The following ANAPC10 variants were observed in gnomAD, a reference collection of about 807,000 sequenced individuals.
The protein encoded by ANAPC10 is anaphase-promoting complex subunit 10.
Under a neutral mutation model 22.0 loss-of-function variants are expected in ANAPC10, and 12 were observed. The ratio of observed to expected loss-of-function variants is 0.55; its 90% CI spans 0.35 to 0.88. The LOEUF (loss-of-function observed/expected upper bound fraction) is 0.88, where lower values mean the gene tolerates loss of function less well. Among genes scored for constraint, ANAPC10 ranks in the 40% least tolerant of loss-of-function variants. The pLI is 0.01. For synonymous variants in ANAPC10, 65 were observed against 69.5 expected (o/e 0.94, Z 0.32); for missense variants, 188 against 220.9 (o/e 0.85, Z 0.94).
At chr4:145,009,741 C>T (rs1733993674) in intron 4 of ANAPC10, among the ~76,000 whole-genome samples, 1 of 152,130 alleles carries the variant, frequency 6.6e-6, no homozygotes, top group Admixed American at 6.5e-5. Flanking sequence ...CTAGGTAATA[C>T]CATTCAGGAC....
In ANAPC10 at chr4:145,078,992, A is replaced by G. The variant is rs1010284258; in HGVS notation, c.206+2668T>C. On this transcript the variant is annotated intron_variant, in intron 3 of 4. Transcript: ENST00000507656. Reference sequence around the variant, plus strand: ...GGACCTAATAAAGACTTCATGACAAAAACTCCAAAAGCAATTAAAACAAAA... The same window carrying G: ...GGACCTAATAAAGACTTCATGACAAGAACTCCAAAAGCAATTAAAACAAAA... Among the ~76,000 whole-genome samples the G allele has an allele frequency of 2.0e-5, 3 of 152,226 alleles. No homozygotes were observed. In the East Asian group the frequency reaches 5.8e-4, roughly 29 times the overall value.
chr4:145,023,351 G>A (rs891113951), intron 4 of ANAPC10, among the ~76,000 whole-genome samples: 3 of 152,176 alleles, frequency 2.0e-5, no homozygotes, highest in Non-Finnish European at 4.4e-5. Context: ...TAAAATGGTT[G>A]ACACGGTCCT....
intron 2 of ANAPC10, among the ~76,000 whole-genome samples, chr4:145,094,086 T>C (rs1404645718): frequency 3.9e-5 from 6 of 152,158 alleles, no homozygotes; most frequent in African/African-American, 1.4e-4. Context: ...CTGGGGACCA[T>C]TTTGAAAGCT....
chr4:145,068,768 G>A (rs979504418), intron 3 of ANAPC10, among the ~76,000 whole-genome samples: 1 of 152,140 alleles, frequency 6.6e-6, no homozygotes, highest in Non-Finnish European at 1.5e-5. Flanking sequence ...AATGTAGCTG[G>A]GTATGGTGGC....
At chr4:145,090,949 T>C (rs1046406711) in intron 2 of ANAPC10, among the ~76,000 whole-genome samples, 5 of 152,198 alleles carry the variant, frequency 3.3e-5, no homozygotes, top group African/African-American at 1.2e-4. Flanking sequence ...CTGAAAAATA[T>C]CTGACCCTAG....
intron 4 of ANAPC10, among the ~76,000 whole-genome samples, chr4:145,023,627 G>A (rs1287478200): frequency 1.3e-5 from 2 of 152,104 alleles, no homozygotes; most frequent in Non-Finnish European, 2.9e-5. Context: ...CTATACTAGA[G>A]TCTATTAAGT....
At chr4:145,019,006 C>G (rs932313140) in intron 4 of ANAPC10, among the ~76,000 whole-genome samples, 1 of 152,124 alleles carries the variant, frequency 6.6e-6, no homozygotes, top group Non-Finnish European at 1.5e-5. Context: ...CAGTGGGGGA[C>G]TTAAATACTC....
chr4:145,058,608 A>G (rs1480847142), intron 4 of ANAPC10, among the ~76,000 whole-genome samples: 5 of 152,198 alleles, frequency 3.3e-5, no homozygotes, highest in Non-Finnish European at 7.4e-5. Flanking sequence ...TAAAGCATGA[A>G]TCTGTTTTGT....
At chr4:145,011,426 C>G (rs1734303191) in intron 4 of ANAPC10, among the ~76,000 whole-genome samples, 1 of 149,566 alleles carries the variant, frequency 6.7e-6, no homozygotes, top group Admixed American at 6.8e-5. Context: ...CAAGCCAATG[C>G]CCCTGCTGAG....
At chr4:145,004,415 G>A (rs184570942) in intron 4 of ANAPC10, among the ~76,000 whole-genome samples, 19 of 152,214 alleles carry the variant, frequency 1.2e-4, no homozygotes, top group Middle Eastern at 3.4e-3. Flanking sequence ...TCCTTGTTTC[G>A]TTCCAGTTTT....
At chr4:145,086,001 C>T (rs1746838962) in intron 2 of ANAPC10, among the ~76,000 whole-genome samples, 1 of 152,008 alleles carries the variant, frequency 6.6e-6, no homozygotes, top group Non-Finnish European at 1.5e-5. Flanking sequence ...GTGGCTGAAG[C>T]TCACCTTTGC....
intron 4 of ANAPC10, among the ~76,000 whole-genome samples, chr4:145,036,671 C>T (rs1291066331): frequency 6.6e-6 from 1 of 152,086 alleles, no homozygotes; most frequent in Admixed American, 6.6e-5. Flanking sequence ...AACCTACATA[C>T]ATGTTTTACT....
intron 2 of ANAPC10, among the ~76,000 whole-genome samples, chr4:145,086,257 C>T (rs1579157407): frequency 6.6e-6 from 1 of 152,272 alleles, no homozygotes; most frequent in South Asian, 2.1e-4. Flanking sequence ...GCCACCGTGT[C>T]CGGCCCTGAA....
At chr4:145,077,456 G>A (rs1745355795) in intron 3 of ANAPC10, among the ~76,000 whole-genome samples, 1 of 151,928 alleles carries the variant, frequency 6.6e-6, no homozygotes, top group African/African-American at 2.4e-5. Context: ...TGAAAGAGCT[G>A]GTATCAACCC....
chr4:145,000,776 A>T (rs1033066875), intron 4 of ANAPC10, among the ~76,000 whole-genome samples: 1 of 152,230 alleles, frequency 6.6e-6, no homozygotes, highest in Admixed American at 6.5e-5. Flanking sequence ...TCACAATAGC[A>T]AAGACTTGGA....
chr4:145,009,044 AACAG>A (rs1733875981), intron 4 of ANAPC10, among the ~76,000 whole-genome samples: 2 of 151,936 alleles, frequency 1.3e-5, no homozygotes, highest in Admixed American at 6.6e-5. Context: ...ATACACTAAT[AACAG>A]ACAGAGAGCC....
At chr4:144,996,963 C>T (rs1368005138) in intron 4 of ANAPC10, among the ~76,000 whole-genome samples, 3 of 151,822 alleles carry the variant, frequency 2.0e-5, no homozygotes, top group Admixed American at 6.6e-5. Context: ...ATAGCTGATT[C>T]GATCAAGTGG....
chr4:145,037,375 A>G (rs1280113240), intron 4 of ANAPC10, among the ~76,000 whole-genome samples: 1 of 152,182 alleles, frequency 6.6e-6, no homozygotes, highest in East Asian at 1.9e-4. Flanking sequence ...TAATTTTTTA[A>G]ATGTTTTATT....
intron 4 of ANAPC10, among the ~76,000 whole-genome samples, chr4:145,044,995 T>C (rs1740084647): frequency 6.6e-6 from 1 of 151,946 alleles, no homozygotes; most frequent in Admixed American, 6.6e-5. Flanking sequence ...AAAACAATAA[T>C]CAGCTATTAT....
Sources: gnomAD v4.1 joint callset for allele counts (sites outside exome capture counted in the v4.1 genomes callset) on GRCh38, gnomAD v4.1.1 for gene constraint, MANE v1.5 for transcripts, NCBI Gene and HGNC (gene_info 2026-07-23, HGNC 2026-07-21) for gene names.